The following AUTS2 variants were observed in gnomAD, a reference collection of about 807,000 sequenced individuals.
AUTS2 encodes autism susceptibility gene 2 protein.
Under a neutral mutation model 112.4 loss-of-function variants are expected in AUTS2, and 17 were observed. The ratio of observed to expected loss-of-function variants is 0.15; its 90% confidence interval spans 0.10 to 0.23. The LOEUF (loss-of-function observed/expected upper bound fraction) is 0.23. AUTS2 is among the 10% of genes least tolerant of loss of function. The pLI, the probability that AUTS2 is intolerant of heterozygous loss-of-function variation, is 1.00. For missense variants in AUTS2, 1,510 were observed against 1,701.6 expected, an observed-to-expected ratio of 0.89 and a Z score of 1.98; for synonymous variants, 751 against 702.7, an observed-to-expected ratio of 1.07 and a Z score of -1.09.
At chr7:69,925,622 G>A (rs541413258) in intron 2 of AUTS2, among the ~76,000 whole-genome samples, 14 of 152,234 alleles carry the variant, frequency 9.2e-5, no homozygotes, top group Admixed American at 5.9e-4. Flanking sequence ...GTGCAGTGGC[G>A]TGATCATAGC....
At position 70,776,934 on chromosome 7, in the gene AUTS2, T is replaced by C. The variant is rs183859045; in HGVS notation, c.1933-169T>C. The stretch of plus-strand genomic sequence containing the variant: ...GGGGGAGCTGGCTGTGACTCCCTTA[T>C]GACTGGGCGCTGGAGAGCTACTGAT... On this transcript the variant is annotated intron_variant, in intron 13 of 18. Transcript: ENST00000342771. 83 of 678,324 alleles carry C rather than the reference T, an allele frequency of 1.2e-4. No homozygotes were observed. The East Asian group carries it at 2.2e-3, about 18-fold the overall frequency. 42.0% of individuals were successfully genotyped at this position (678,324 alleles called of 1,614,324 possible).
intron 1 of AUTS2, among the ~76,000 whole-genome samples, chr7:69,692,164 C>T (rs1368384504): frequency 6.6e-6 from 1 of 152,168 alleles, no homozygotes; most frequent in Non-Finnish European, 1.5e-5. Flanking sequence ...TGCAATCTTC[C>T]CTACCCCTGG....
intron 2 of AUTS2, among the ~76,000 whole-genome samples, chr7:70,040,120 G>A (rs1295298749): frequency 6.6e-6 from 1 of 152,036 alleles, no homozygotes; most frequent in Non-Finnish European, 1.5e-5. Flanking sequence ...CAGTGACTCT[G>A]TATTACAGTG....
intron 5 of AUTS2, among the ~76,000 whole-genome samples, chr7:70,653,755 T>C (rs963350046): frequency 1.3e-5 from 2 of 152,238 alleles, no homozygotes; most frequent in Non-Finnish European, 2.9e-5. Flanking sequence ...TGAGATCAGT[T>C]GTATTTTTTT....
chr7:70,413,255 A>G (rs191166850), intron 4 of AUTS2, among the ~76,000 whole-genome samples: 1 of 152,342 alleles, frequency 6.6e-6, no homozygotes, highest in African/African-American at 2.4e-5. Flanking sequence ...TGAAATGACT[A>G]TCTCACCTAT....
intron 3 of AUTS2, among the ~76,000 whole-genome samples, chr7:70,130,850 T>A (rs1378331779): frequency 6.6e-6 from 1 of 152,210 alleles, no homozygotes; most frequent in South Asian, 2.1e-4. Context: ...TCTCAGCCTC[T>A]TAATAGTTCT....
intron 1 of AUTS2, among the ~76,000 whole-genome samples, chr7:69,693,251 C>T (rs951167722): frequency 2.6e-5 from 4 of 152,216 alleles, no homozygotes; most frequent in African/African-American, 9.6e-5. Flanking sequence ...TCTGTCAGCG[C>T]CTGGTGTATT....
At chr7:69,665,652 C>G (rs559400827) in intron 1 of AUTS2, among the ~76,000 whole-genome samples, 2 of 152,206 alleles carry the variant, frequency 1.3e-5, no homozygotes, top group African/African-American at 4.8e-5. Flanking sequence ...TCTGTATAAT[C>G]ATTCTCTTCC....
intron 11 of AUTS2, 121 bp from the exon 12 acceptor site, chr7:70,773,907 G>A (rs577256336): frequency 6.0e-5 from 55 of 916,246 alleles, no homozygotes; most frequent in Middle Eastern, 2.1e-4. Flanking sequence ...TGAATCTTGC[G>A]TTTCAGAAGG....
chr7:70,673,551 T>G (rs561155567), intron 5 of AUTS2, among the ~76,000 whole-genome samples: 2 of 152,128 alleles, frequency 1.3e-5, no homozygotes, highest in East Asian at 3.9e-4. Context: ...TTTATTTTAT[T>G]TTTTAGTAGA....
intron 1 of AUTS2, among the ~76,000 whole-genome samples, chr7:69,615,060 T>C (rs753603896): frequency 5.9e-5 from 9 of 152,268 alleles, no homozygotes; most frequent in African/African-American, 7.2e-5. Flanking sequence ...TTTATGTATT[T>C]GTAAAATACA....
intron 1 of AUTS2, among the ~76,000 whole-genome samples, chr7:69,764,335 TGAGTGCCTGCCA>T (rs1367977172): frequency 6.6e-6 from 1 of 151,820 alleles, no homozygotes; most frequent in African/African-American, 2.4e-5. Flanking sequence ...TCTGGAATTA[TGAGTGCCTGCCA>T]GAGTGCCTGC....
intron 1 of AUTS2, among the ~76,000 whole-genome samples, chr7:69,722,636 A>G (rs1299957172): frequency 6.6e-6 from 1 of 152,176 alleles, no homozygotes; most frequent in East Asian, 1.9e-4. Flanking sequence ...GTGCCTGGCC[A>G]TACCTTACAG....
intron 4 of AUTS2, among the ~76,000 whole-genome samples, chr7:70,382,221 C>T (rs1793399341): frequency 6.6e-6 from 1 of 152,150 alleles, no homozygotes; most frequent in Admixed American, 6.5e-5. Flanking sequence ...CTAGGTCAAC[C>T]AATTTGAAAA....
chr7:70,609,580 GTTT>G (rs773394729), intron 5 of AUTS2, among the ~76,000 whole-genome samples: 17,601 of 143,724 alleles, frequency 0.12, 1,139 homozygotes, highest in Middle Eastern at 0.22. Flanking sequence ...TTTTTGTTTT[GTTT>G]TTTTTTTTTG....
chr7:70,141,405 G>T (rs754691421), intron 4 of AUTS2, among the ~76,000 whole-genome samples: 1 of 152,150 alleles, frequency 6.6e-6, no homozygotes, highest in Admixed American at 6.5e-5. Context: ...GGAAAATGGT[G>T]AGTTTGGAAG....
intron 1 of AUTS2, among the ~76,000 whole-genome samples, chr7:69,872,517 G>A (rs1056034020): frequency 9.9e-5 from 15 of 152,120 alleles, no homozygotes; most frequent in Non-Finnish European, 1.8e-4. Context: ...TGTATTCGGG[G>A]TACTAGAGTA....
intron 5 of AUTS2, among the ~76,000 whole-genome samples, chr7:70,483,564 T>G (rs955026482): frequency 6.6e-6 from 1 of 152,186 alleles, no homozygotes; most frequent in African/African-American, 2.4e-5. Flanking sequence ...AGCGGCTCTC[T>G]GGTTTGTCAT....
intron 5 of AUTS2, among the ~76,000 whole-genome samples, chr7:70,552,475 A>G (rs915454279): frequency 6.6e-6 from 1 of 152,234 alleles, no homozygotes; most frequent in Non-Finnish European, 1.5e-5. Flanking sequence ...TTTCCATTCA[A>G]TATTTCAGCA....
Sources: allele counts gnomAD v4.1 joint callset (sites outside exome capture counted in the v4.1 genomes callset), GRCh38; gene constraint gnomAD v4.1.1; transcripts MANE v1.5; gene names NCBI Gene and HGNC (gene_info 2026-07-23, HGNC 2026-07-21).